Variants in BBS2 observed in about 807,000 individuals in gnomAD.
BBS2 encodes BBSome complex member BBS2.
In BBS2, 62 loss-of-function variants were observed where a neutral mutation model predicts 83.0. The observed-to-expected ratio is 0.75, with a 90% confidence interval of 0.61 to 0.92. The LOEUF is 0.92. BBS2 is among the 40% of genes least tolerant of loss of function. The probability of loss-of-function intolerance (pLI) is 0.00; values close to 1 mark genes in which losing one functional copy is unlikely to be tolerated. For synonymous variants in BBS2, 303 were observed against 326.1 expected, an observed-to-expected ratio of 0.93 and a Z score of 0.76; for missense variants, 784 against 901.0, an observed-to-expected ratio of 0.87 and a Z score of 1.66.
At chr16:56,476,439 TTA>T in intron 17 of BBS2, 1 of 343,624 alleles carries the variant, frequency 2.9e-6, no homozygotes, top group Non-Finnish European at 5.2e-6. Flanking sequence ...TTTTTAACAT[TTA>T]GTCCTTTTTC....
At chr16:56,500,730 G>T in intron 11 of BBS2, 124 bp downstream of exon 11, 1 of 972,492 alleles carries the variant, frequency 1.0e-6, no homozygotes, top group Non-Finnish European at 1.6e-6. Flanking sequence ...AGAAACTTTG[G>T]GTAGACAGAA....
rs1408429511 is a variant in BBS2 at position 56,502,216 on chromosome 16, C to T, written c.1080+101G>A. 5 of 1,521,012 alleles carry T rather than the reference C, an allele frequency of 3.3e-6. No individual in the cohort carries two copies. In the Admixed American group the frequency reaches 5.0e-5, roughly 15 times the overall value. 94.2% of individuals were successfully genotyped at this position (1,521,012 alleles called of 1,614,324 possible). ...TTCTGACAATGGCAAAAAGGCCACA[C>T]CCTGGCAATGACACTCTCATTCTTC... On this transcript the variant is annotated intron_variant, in intron 9 of 16. Coordinates refer to ENST00000245157, the MANE Select transcript of BBS2 (RefSeq NM_031885.5).
downstream of BBS2, among the ~76,000 whole-genome samples, chr16:56,482,098 A>G (rs150268761): frequency 4.6e-3 from 705 of 152,340 alleles, 12 homozygotes; most frequent in Admixed American, 0.041. Flanking sequence ...TTTTTTAGCT[A>G]AAGAACAACA....
At position 56,505,960 on chromosome 16, in the gene BBS2, G is replaced by T. The variant is rs764420460; in HGVS notation, c.794C>A (p.Ser265Tyr). ...GCTATTCAAACTTACCTTCCCATTGGACCAACCAGTTATCAGTTCATTCAC... is the reference window on the plus strand; with the variant it reads ...GCTATTCAAACTTACCTTCCCATTGTACCAACCAGTTATCAGTTCATTCAC... ...DGVNELITGWSNGKVDARSDR... is the reference protein window; with the variant it reads ...DGVNELITGWYNGKVDARSDR... Residue 265 changes from serine to tyrosine, a missense_variant, in exon 7 of 17, where the codon TCC becomes TAC. Ser to Tyr is a moderately radical substitution (Grantham distance 144). Transcript: ENST00000245157. 1.2e-6 allele frequency: 2 copies of T among 1,613,296 alleles called. No individual in the cohort carries two copies. Among genetic ancestry groups the T allele is most frequent in the Non-Finnish European group, 1.7e-6 (2 of 1,179,562 alleles).
intron 15 of BBS2, among the ~76,000 whole-genome samples, 164 bp downstream of exon 15, chr16:56,496,803 C>A (rs1365236349): frequency 1.3e-5 from 2 of 152,202 alleles, no homozygotes; most frequent in Non-Finnish European, 2.9e-5. Context: ...AATAGAATTG[C>A]TGGGTCATAG....
chr16:56,507,899 C>G (rs12443628), intron 5 of BBS2, among the ~76,000 whole-genome samples: 6 of 151,900 alleles, frequency 3.9e-5, no homozygotes, highest in Non-Finnish European at 8.8e-5. Context: ...ACCTGGGAGG[C>G]GGAGGTTGCA....
chr16:56,519,320 G>A lies in BBS2; in HGVS notation c.117+426C>T, dbSNP rs573278925. Among the ~76,000 whole-genome samples, 709 of 134,536 alleles carry A rather than the reference G, an allele frequency of 5.3e-3. 2 individuals carry two copies. Among genetic ancestry groups the A allele is most frequent in the African/African-American group, 0.019 (658 of 34,910 alleles). 88.3% of individuals were successfully genotyped at this position (134,536 alleles called of 152,430 possible). A position where few individuals can be genotyped will look rare whatever the true frequency, so the allele number is the denominator to read the frequency against. On this transcript the variant is annotated intron_variant, in intron 1 of 16. Coordinates refer to ENST00000245157, the MANE Select transcript of BBS2 (RefSeq NM_031885.5). ...CACTCCAGCCTGGGCGACAGGGCAA[G>A]ACTCCGTCTCAAAAAAAAAAAAAAA...
chr16:56,504,631 C>T (rs1029228543), intron 7 of BBS2, among the ~76,000 whole-genome samples: 14 of 152,100 alleles, frequency 9.2e-5, no homozygotes, highest in African/African-American at 2.9e-4. Flanking sequence ...TGCTCAGGAA[C>T]GCATTACATA....
intron 15 of BBS2, among the ~76,000 whole-genome samples, chr16:56,491,725 C>CAAAAAAAAAAAA (rs773397021): frequency 1.2e-4 from 5 of 43,204 alleles, no homozygotes; most frequent in East Asian, 5.3e-4. Context: ...AACTCAACAG[C>CAAAAAAAAAAAA]AAAAAAAAAA....
downstream of BBS2, among the ~76,000 whole-genome samples, chr16:56,483,110 A>G (rs1241371533): frequency 6.6e-6 from 1 of 152,224 alleles, no homozygotes; most frequent in Admixed American, 6.5e-5. Flanking sequence ...CACCTAGGCT[A>G]TACAGTATAG....
At chr16:56,480,366 C>CAAAAAAAAAAAAAAAAAAAAAAAA (rs1157907841), downstream of BBS2, among the ~76,000 whole-genome samples, 2 of 90,258 alleles carry the variant, frequency 2.2e-5, no homozygotes, top group Non-Finnish European at 4.7e-5. Context: ...AAAAAAAAAA[C>CAAAAAAAAAAAAAAAAAAAAAAAA]AAAAAAAAAA....
intron 15 of BBS2, among the ~76,000 whole-genome samples, chr16:56,494,440 T>C (rs1442268788): frequency 1.3e-5 from 2 of 152,050 alleles, no homozygotes; most frequent in African/African-American, 4.8e-5. Context: ...CCAGTAGCAA[T>C]GAACATCTTT....
intron 7 of BBS2, among the ~76,000 whole-genome samples, chr16:56,505,203 C>T (rs1186469844): frequency 6.6e-6 from 1 of 152,108 alleles, no homozygotes; most frequent in African/African-American, 2.4e-5. Context: ...TTTTTAGTAC[C>T]CATACTAATG....
intron 2 of BBS2, 113 bp downstream of exon 2, chr16:56,514,340 C>T (rs1964669351): frequency 9.3e-6 from 9 of 967,484 alleles, no homozygotes; most frequent in Non-Finnish European, 1.3e-5. Flanking sequence ...TTTACCTATA[C>T]TATAACAGTC....
intron 5 of BBS2, among the ~76,000 whole-genome samples, chr16:56,506,937 T>A (rs1470378400): frequency 1.3e-5 from 2 of 152,358 alleles, no homozygotes; most frequent in Non-Finnish European, 2.9e-5. Flanking sequence ...ATCCTGCAGA[T>A]CTACTTTCTA....
intron 15 of BBS2, among the ~76,000 whole-genome samples, chr16:56,488,445 A>G (rs1291226929): frequency 6.6e-6 from 1 of 152,130 alleles, no homozygotes; most frequent in Non-Finnish European, 1.5e-5. Context: ...AGTACATAGA[A>G]CCCAGGGAAA....
chr16:56,518,611 C>T (rs1964818217), intron 1 of BBS2, among the ~76,000 whole-genome samples: 1 of 128,928 alleles, frequency 7.8e-6, no homozygotes, highest in South Asian at 2.6e-4. Context: ...TGCCATGCTG[C>T]TGCCGTTGGC....
rs145643331 is a variant in BBS2, at chr16:56,493,981, G to A, written c.1910+2986C>T. ...ATGATATTCCCCCACTTTTTTTTAA[G>A]AGATCTTGCTCTGTCATCCCAGGCT... On this transcript the variant is annotated intron_variant, in intron 15 of 16. Coordinates refer to ENST00000245157, the MANE Select transcript of BBS2 (RefSeq NM_031885.5). Among the ~76,000 whole-genome samples the A allele has an allele frequency of 3.0e-4, 45 of 152,084 alleles. No homozygotes were observed. The East Asian group carries it at 8.5e-3, about 29-fold the overall frequency.
In BBS2 at chr16:56,502,413, G is replaced by A. The variant is rs1285508370; in HGVS notation, c.984C>T (p.Leu328=). The part of the protein sequence containing the change: ...LPGTAEMRGN[L]MDTSAEQDLI... ...GGTCCTGCTCTGCACTGGTGTCCAT[G>A]AGGTTGCCCCTCATCTCAGCCGTGC... is the stretch of plus-strand genomic sequence containing the variant. Residue 328 remains leucine (L), a synonymous_variant, in exon 9 of 17, where the codon CTC becomes CTT. Transcript: ENST00000245157. 6 of 1,614,210 alleles carry A rather than the reference G, an allele frequency of 3.7e-6. No homozygotes were observed. Among genetic ancestry groups the A allele is most frequent in the Middle Eastern group, 1.6e-4 (1 of 6,062 alleles).
Sources: allele counts gnomAD v4.1 joint callset (sites outside exome capture counted in the v4.1 genomes callset), GRCh38; gene constraint gnomAD v4.1.1; transcripts MANE v1.5; gene names NCBI Gene and HGNC (gene_info 2026-07-23, HGNC 2026-07-21).